Variants in AP1M1 observed in about 807,000 individuals in gnomAD.
AP1M1 encodes AP-1 complex subunit mu-1.
In AP1M1, 18 loss-of-function variants were observed where a neutral mutation model predicts 57.1. The observed-to-expected ratio is 0.32, with a 90% CI of 0.22 to 0.47. The LOEUF is 0.47. AP1M1 is among the 20% of genes least tolerant of loss of function. AP1M1 has a pLI of 1.00. For synonymous variants in AP1M1, 241 were observed against 237.9 expected, an observed-to-expected ratio of 1.01 and a Z score of -0.12; for missense variants, 362 against 593.5, an observed-to-expected ratio of 0.61 and a Z score of 4.05.
At position 16,202,504 on chromosome 19, in the gene AP1M1, C is replaced by G. The variant is rs368009352; in HGVS notation, c.43-955C>G. On this transcript the variant is annotated intron_variant, in intron 1 of 11. Coordinates refer to ENST00000291439, the MANE Select transcript of AP1M1 (RefSeq NM_032493.4). ...TCGCCCCCGAAAGCTTCTTCACACCCCTTTGCTGTCTAGCCCCATCCCTAG... is the reference window on the plus strand; with the variant it reads ...TCGCCCCCGAAAGCTTCTTCACACCGCTTTGCTGTCTAGCCCCATCCCTAG... 2.7e-4 allele frequency among the ~76,000 whole-genome samples: 41 copies of G among 152,338 alleles called. No individual in the cohort carries two copies. In the South Asian group the frequency reaches 8.1e-3, roughly 30 times the overall value.
At chr19:16,210,376 T>C in intron 5 of AP1M1, 1 of 718,108 alleles carries the variant, frequency 1.4e-6, no homozygotes, top group African/African-American at 1.7e-5. Flanking sequence ...TACCCAGGAG[T>C]GGGATGGCTG....
Position 16,206,223 on chromosome 19 carries a change from G to A in AP1M1, c.200-118G>A. ...CACCATGGGCCAAGTAAACGGCTGG[G>A]AGTGGGGATAGGGAAGGCTCTGAGG... is the stretch of plus-strand genomic sequence containing the variant. On this transcript the variant is annotated intron_variant, in intron 2 of 11. Transcript: ENST00000291439. This position sits in a 1 kb window ranked among gnomAD's most constrained non-coding sequence, Gnocchi z 4.3. 25 of 1,012,996 alleles carry A rather than the reference G, an allele frequency of 2.5e-5. No homozygotes were observed. In the South Asian group the frequency reaches 3.6e-4, roughly 14 times the overall value. 62.8% of individuals were successfully genotyped at this position (1,012,996 alleles called of 1,614,324 possible).
At chr19:16,205,249 G>GC (rs1284516508) in intron 2 of AP1M1, among the ~76,000 whole-genome samples, 1 of 152,146 alleles carries the variant, frequency 6.6e-6, no homozygotes, top group Non-Finnish European at 1.5e-5. Context: ...TTCTGGTTGG[G>GC]CCCCCACATT....
In AP1M1 at chr19:16,240,250, GTGTGTGTGTGTGTGTGTGTGTGTA is replaced by G. The variant is rs749426864; in HGVS notation, c.*5839_*5862del. The G allele has an allele frequency of 0.04, 1,745 of 44,148 alleles. 22 individuals are homozygous for G. The highest frequency in any genetic ancestry group is 0.086 in the African/African-American group (1,248 of 14,542). 2.7% of individuals were successfully genotyped at this position (44,148 alleles called of 1,614,324 possible). On this transcript the variant is annotated 3_prime_UTR_variant, in exon 12 of 12. Transcript: ENST00000291439. ...GATATGGAGGGACGACTCTGTGTGT[GTGTGTGTGTGTGTGTGTGTGTGTA>G]TGTGTGTGTGTGTGTGTGTGTGTGT...
rs1440624760 is a variant in AP1M1 at position 16,239,689 on chromosome 19, G to A, written c.*5254G>A. The A allele has an allele frequency of 6.6e-6, 1 of 152,002 alleles. No homozygotes were observed. Among genetic ancestry groups the A allele is most frequent in the East Asian group, 1.9e-4 (1 of 5,176 alleles). The allele number at this position is 152,002 out of a possible 1,614,324, so 9.4% of individuals were successfully genotyped here. On this transcript the variant is annotated 3_prime_UTR_variant, in exon 12 of 12. Transcript: ENST00000291439. ...AATCCCAGCTACTCAGGTGGCTGGG[G>A]CAGGAGATTCGCTTGAACCCGGGAG...
chr19:16,224,846 G>A (rs944868927), intron 5 of AP1M1, among the ~76,000 whole-genome samples: 4 of 152,008 alleles, frequency 2.6e-5, no homozygotes, highest in African/African-American at 9.7e-5. Flanking sequence ...CTGGAGCCCC[G>A]GCCAGTGAGG....
Position 16,215,741 on chromosome 19 carries a change from A to T in AP1M1, c.546+6564A>T, listed in dbSNP as rs541641717. 1.7e-4 allele frequency among the ~76,000 whole-genome samples: 26 copies of T among 152,278 alleles called. No individual in the cohort carries two copies. The South Asian group carries it at 5.4e-3, about 32-fold the overall frequency. Reference sequence around the variant, plus strand: ...AGCTAGACTGGGGAAGTTCTCATGGATAGTATCCTGAAATACGTTTTCCAA... The same window carrying T: ...AGCTAGACTGGGGAAGTTCTCATGGTTAGTATCCTGAAATACGTTTTCCAA... On this transcript the variant is annotated intron_variant, in intron 5 of 11. Transcript: ENST00000291439.
Position 16,240,266 on chromosome 19 carries a change from G to C in AP1M1, c.*5831G>C, listed in dbSNP as rs1399434629. 4.9e-5 allele frequency: 1 copy of C among 20,232 alleles called. No individual in the cohort carries two copies. Among genetic ancestry groups the C allele is most frequent in the African/African-American group, 1.1e-4 (1 of 9,136 alleles). The allele number at this position is 20,232 out of a possible 1,614,324, so 1.3% of individuals were successfully genotyped here. A position where few individuals can be genotyped will look rare whatever the true frequency, so the allele number is the denominator to read the frequency against. On this transcript the variant is annotated 3_prime_UTR_variant, in exon 12 of 12. Coordinates refer to ENST00000291439, the MANE Select transcript of AP1M1 (RefSeq NM_032493.4). ...TCTGTGTGTGTGTGTGTGTGTGTGTGTGTGTGTATGTGTGTGTGTGTGTGT... is the reference window on the plus strand; with the variant it reads ...TCTGTGTGTGTGTGTGTGTGTGTGTCTGTGTGTATGTGTGTGTGTGTGTGT...
intron 1 of AP1M1, chr19:16,198,282 G>T: frequency 2.7e-6 from 1 of 373,806 alleles, no homozygotes; most frequent in Non-Finnish European, 4.8e-6. Context: ...TACGTAACGC[G>T]GTGGGCTGCA....
In AP1M1 at chr19:16,209,122, T is replaced by C. The variant is rs779606736; in HGVS notation, c.491T>C (p.Ile164Thr). 6.2e-7 allele frequency: 1 copy of C among 1,614,214 alleles called. No homozygotes were observed. Among genetic ancestry groups the C allele is most frequent in the Non-Finnish European group, 8.5e-7 (1 of 1,180,046 alleles). The change falls in exon 5 of 12, where the codon ATC becomes ACC. Residue 164 changes from isoleucine to threonine, a missense_variant. Physicochemically the swap from Ile to Thr is moderately conservative, Grantham distance 89 (BLOSUM62 -1). Transcript: ENST00000291439. ...GCGGTGTCCTGGCGGTCCGAAGGCA[T>C]CAAGTATCGGAAGAATGAGGTGTTC... ...TNAVSWRSEG[I>T]KYRKNEVFLD...
chr19:16,226,450 C>A lies in AP1M1; in HGVS notation c.576C>A (p.Ser192Arg). 6.4e-7 allele frequency: 1 copy of A among 1,565,886 alleles called. No homozygotes were observed. The highest frequency in any genetic ancestry group is 8.6e-7 in the Non-Finnish European group (1 of 1,157,060). ...GCGCCAACGGCAATGTCCTGCGCAG[C>A]GAGATCGTGGGCTCCATCAAGATGC... ...LVSANGNVLR[S>R]EIVGSIKMRV... The change falls in exon 6 of 12, where the codon AGC (serine) becomes AGA (arginine). Residue 192 changes from serine to arginine, a missense_variant. Ser to Arg is a moderately radical substitution (Grantham distance 110, BLOSUM62 -1). Coordinates refer to ENST00000291439, the MANE Select transcript of AP1M1 (RefSeq NM_032493.4).
chr19:16,234,058 C>T (rs572388461), intron 10 of AP1M1, 141 bp from the exon 11 acceptor site: 7 of 795,168 alleles, frequency 8.8e-6, no homozygotes. Flanking sequence ...AGACAAATCC[C>T]TTTCACCCCC....
Position 16,203,496 on chromosome 19 carries a change from T to C in AP1M1, c.80T>C (p.Met27Thr). Residue 27 changes from methionine (M) to threonine (T), a missense_variant, in exon 2 of 12, where the codon ATG (methionine) becomes ACG (threonine). By Grantham distance (81) the Met-to-Thr change is moderately conservative. Transcript: ENST00000291439. This position sits in a 1 kb window ranked among gnomAD's most constrained non-coding sequence, Gnocchi z 4.6. Reference sequence around the variant, plus strand: ...CGGAACTACCGTGGCGACGTGGACATGTCAGAGGTGGAGCACTTCATGCCC... The same window carrying C: ...CGGAACTACCGTGGCGACGTGGACACGTCAGAGGTGGAGCACTTCATGCCC... The part of the protein sequence containing the change: ...ICRNYRGDVD[M>T]SEVEHFMPIL... 1.2e-6 allele frequency: 2 copies of C among 1,614,166 alleles called. No homozygotes were observed. Among genetic ancestry groups the C allele is most frequent in the Non-Finnish European group, 1.7e-6 (2 of 1,180,032 alleles).
chr19:16,239,239 C>T lies in AP1M1; in HGVS notation c.*4804C>T, dbSNP rs1350997918. Reference sequence around the variant, plus strand: ...TGAGCCACCGCGCCCGGCCAGTTCTCTTTTTTTTTTTTTTTTTTTTTTTTT... The same window carrying T: ...TGAGCCACCGCGCCCGGCCAGTTCTTTTTTTTTTTTTTTTTTTTTTTTTTT... On this transcript the variant is annotated 3_prime_UTR_variant, in exon 12 of 12. Coordinates refer to ENST00000291439, the MANE Select transcript of AP1M1 (RefSeq NM_032493.4). 320 of 39,182 alleles carry T rather than the reference C, an allele frequency of 8.2e-3. 1 individual carries two copies. Among genetic ancestry groups the T allele is most frequent in the Admixed American group, 0.01 (29 of 2,824 alleles). The allele number at this position is 39,182 out of a possible 1,614,324, so 2.4% of individuals were successfully genotyped here.
chr19:16,219,457 G>A (rs1047172070), intron 5 of AP1M1, among the ~76,000 whole-genome samples: 8 of 150,888 alleles, frequency 5.3e-5, no homozygotes, highest in Non-Finnish European at 8.8e-5. Flanking sequence ...GAGTGCAATG[G>A]CACAATCTCA....
At position 16,243,762 on chromosome 19, in the gene AP1M1, C is replaced by A. The variant is rs542737337; in HGVS notation, c.*9327C>A. ...TTCGAGACCAGCCTGGCCAACATGGCGAAAATCCATCTCTACTAAAAATAC... is the reference window on the plus strand; with the variant it reads ...TTCGAGACCAGCCTGGCCAACATGGAGAAAATCCATCTCTACTAAAAATAC... On this transcript the variant is annotated 3_prime_UTR_variant, in exon 12 of 12. Transcript: ENST00000291439. 3.3e-5 allele frequency: 5 copies of A among 151,684 alleles called. No homozygotes were observed. Among genetic ancestry groups the A allele is most frequent in the African/African-American group, 1.2e-4 (5 of 41,288 alleles). 9.4% of individuals were successfully genotyped at this position (151,684 alleles called of 1,614,324 possible).
At position 16,226,345 on chromosome 19, in the gene AP1M1, A is replaced by T. The variant is rs549093862; in HGVS notation, c.547-76A>T. The T allele has an allele frequency of 5.4e-6, 8 of 1,480,980 alleles. No individual in the cohort carries two copies. In the South Asian group the frequency reaches 1.0e-4, roughly 19 times the overall value. 91.7% of individuals were successfully genotyped at this position (1,480,980 alleles called of 1,614,324 possible). On this transcript the variant is annotated intron_variant, in intron 5 of 11. Transcript: ENST00000291439. The stretch of plus-strand genomic sequence containing the variant: ...AGGGCGTTGAGAGTGGGGTGGCCAG[A>T]GGGTCACATGATGTGGTAGGAGGCA...
chr19:16,202,223 G>T (rs903026878), intron 1 of AP1M1, among the ~76,000 whole-genome samples: 1 of 152,190 alleles, frequency 6.6e-6, no homozygotes, highest in African/African-American at 2.4e-5. Flanking sequence ...TCTGAGGCAG[G>T]TGGTTCCCAG....
intron 5 of AP1M1, among the ~76,000 whole-genome samples, chr19:16,216,039 C>T (rs1004757671): frequency 6.6e-6 from 1 of 152,070 alleles, no homozygotes; most frequent in Admixed American, 6.6e-5. Flanking sequence ...CATTTTCTAT[C>T]CTGGCTGTTT....
Sources: gnomAD v4.1 joint callset for allele counts (sites outside exome capture counted in the v4.1 genomes callset) on GRCh38, gnomAD v4.1.1 for gene constraint, Gnocchi (gnomAD v3.1) non-coding constraint, MANE v1.5 for transcripts, NCBI Gene and HGNC (gene_info 2026-07-23, HGNC 2026-07-21) for gene names.